DPEP2: variants seen among roughly 807,000 people sequenced by gnomAD.
DPEP2 encodes the protein dipeptidase 2.
Under a neutral mutation model 51.8 loss-of-function variants are expected in DPEP2, and 45 were observed. The observed-to-expected ratio is 0.87, with a 90% CI of 0.68 to 1.11. DPEP2 has a LOEUF of 1.11. DPEP2 is among the 50% of genes most tolerant of loss of function. The pLI is 0.00. For missense variants in DPEP2, 604 were observed against 631.9 expected, an observed-to-expected ratio of 0.96 and a Z score of 0.47; for synonymous variants, 255 against 262.7, an observed-to-expected ratio of 0.97 and a Z score of 0.28.
intron 1 of DPEP2, among the ~76,000 whole-genome samples, chr16:67,996,202 A>ATT (rs562548091): frequency 2.3e-5 from 3 of 130,806 alleles, no homozygotes; most frequent in Non-Finnish European, 1.7e-5. Context: ...ACACTCGGCT[A>ATT]TTTTTTTTTT....
chr16:67,993,674 A>G (rs2032471943), intron 1 of DPEP2: 4 of 987,236 alleles, frequency 4.1e-6, no homozygotes, highest in African/African-American at 1.7e-5. Context: ...CATGTCCCCA[A>G]CCGCCTGCAA....
Position 67,992,104 on chromosome 16 carries a change from A to C in DPEP2, c.480T>G (p.Cys160Trp). 6.2e-7 allele frequency: 1 copy of C among 1,614,174 alleles called. No individual in the cohort carries two copies. The highest frequency in any genetic ancestry group is 8.5e-7 in the Non-Finnish European group (1 of 1,180,028). Reference protein sequence around the residue: ...LEQIDLIRRMCASYSELELVT... With the variant: ...LEQIDLIRRMWASYSELELVT... Reference sequence around the variant, plus strand: ...CAAGCTCCAGCTCAGAATAGGAGGCACACATGCGGCGTATGAGGTCAATCT... The same window carrying C: ...CAAGCTCCAGCTCAGAATAGGAGGCCCACATGCGGCGTATGAGGTCAATCT... The change falls in exon 4 of 11, where the codon TGT becomes TGG. Residue 160 changes from cysteine to tryptophan, a missense_variant. Transcript: ENST00000393847.
rs2031611736 is a variant in DPEP2 at position 67,987,974 on chromosome 16, G to A, written c.1084C>T (p.Leu362=). 3 of 1,614,034 alleles carry A rather than the reference G, an allele frequency of 1.9e-6. No individual in the cohort carries two copies. The highest frequency in any genetic ancestry group is 2.7e-5 in the African/African-American group (2 of 74,914). The part of the protein sequence containing the change: ...YDGAGKFPQG[L]EDVSTYPVLI... ...ACCGGGTATGTGGACACGTCTTCCAGCCCCTGAGGGAATCTGTGTGGCCAC... is the reference window on the plus strand; with the variant it reads ...ACCGGGTATGTGGACACGTCTTCCAACCCCTGAGGGAATCTGTGTGGCCAC... Residue 362 remains leucine, a synonymous_variant, in exon 10 of 11, where the codon CTG becomes TTG. Transcript: ENST00000393847.
chr16:67,991,724 C>T lies in DPEP2; in HGVS notation c.662+114G>A, dbSNP rs1271337275. 1 of 1,441,132 alleles carries T rather than the reference C, an allele frequency of 6.9e-7. No individual in the cohort carries two copies. The highest frequency in any genetic ancestry group is 2.4e-5 in the East Asian group (1 of 42,202). The allele number at this position is 1,441,132 out of a possible 1,614,324, so 89.3% of individuals were successfully genotyped here. A position where few individuals can be genotyped will look rare whatever the true frequency, so the allele number is the denominator to read the frequency against. On this transcript the variant is annotated intron_variant, in intron 5 of 10. Coordinates refer to ENST00000393847, the MANE Select transcript of DPEP2 (RefSeq NM_022355.4). The surrounding 1 kb of genome is among the most constrained non-coding windows in gnomAD (Gnocchi z 5.1). ...AAACCAGAATCCCAGCTCCCCTCCC[C>T]ACTCCAGAGTCAGTGCCACATCCCA... is the stretch of plus-strand genomic sequence containing the variant.
intron 1 of DPEP2, among the ~76,000 whole-genome samples, chr16:67,995,202 T>C (rs1220746301): frequency 6.6e-6 from 1 of 151,914 alleles, no homozygotes; most frequent in African/African-American, 2.4e-5. Context: ...ACCTGGGCTT[T>C]TTTTTTATTT....
Position 67,999,378 on chromosome 16 carries a change from A to T in DPEP2, c.-49T>A. On this transcript the variant is annotated 5_prime_UTR_variant, in exon 1 of 11. Transcript: ENST00000393847. ...AAACAAACTCCAGACGCGCTACCTT[A>T]AGAGCTGTAACACTCACTGCGAGGG... is the stretch of plus-strand genomic sequence containing the variant. The T allele has an allele frequency of 1.8e-6, 1 of 547,808 alleles. No individual in the cohort carries two copies. Among genetic ancestry groups the T allele is most frequent in the Non-Finnish European group, 2.3e-6 (1 of 429,516 alleles). The allele number at this position is 547,808 out of a possible 1,614,324, so 33.9% of individuals were successfully genotyped here. A position where few individuals can be genotyped will look rare whatever the true frequency, so the allele number is the denominator to read the frequency against.
chr16:67,999,802 G>C (rs1036741609), upstream of DPEP2: 3 of 152,152 alleles, frequency 2.0e-5, no homozygotes, highest in African/African-American at 7.2e-5. Context: ...AGGTACTTAC[G>C]AGGCTGAGGT....
intron 1 of DPEP2, among the ~76,000 whole-genome samples, chr16:67,995,866 A>C (rs559298985): frequency 6.6e-6 from 1 of 152,068 alleles, no homozygotes; most frequent in South Asian, 2.1e-4. Context: ...TGGGAGGCTG[A>C]GTTGGGAGAA....
intron 1 of DPEP2, chr16:67,993,948 C>G: frequency 1.0e-6 from 1 of 985,574 alleles, no homozygotes; most frequent in Non-Finnish European, 1.2e-6. Flanking sequence ...CCCCCCGCCC[C>G]GACCGCACAT....
intron 1 of DPEP2, chr16:67,994,096 A>G (rs1014886323): frequency 4.1e-6 from 4 of 985,486 alleles, no homozygotes; most frequent in Non-Finnish European, 4.8e-6. Context: ...GAACCCACAC[A>G]GCCATCTGCA....
At position 67,993,099 on chromosome 16, in the gene DPEP2, G is replaced by C. The variant is rs745544370; in HGVS notation, c.114C>G (p.Gly38=). The C allele has an allele frequency of 2.6e-6, 4 of 1,567,068 alleles. No homozygotes were observed. Among genetic ancestry groups the C allele is most frequent in the Non-Finnish European group, 1.7e-6 (2 of 1,155,280 alleles). ...CCAGCGTGGTGAGGGCTCTGGGGGG[G>C]CCTGGCGTGGTGTAGGCACAGGTTA... ...QPVTCAYTTP[G]PPRALTTLGA... Residue 38 remains glycine (G), a synonymous_variant, in exon 2 of 11, where the codon GGC becomes GGG. Transcript: ENST00000393847.
At chr16:67,993,451 TC>T (rs1485445661) in intron 1 of DPEP2, 194 bp from the exon 2 acceptor site, 7 of 1,250,988 alleles carry the variant, frequency 5.6e-6, no homozygotes. Flanking sequence ...CCAAGGGCGC[TC>T]CCGCCGGCTG....
At chr16:67,997,236 T>C (rs1857933250) in intron 1 of DPEP2, among the ~76,000 whole-genome samples, 2 of 151,750 alleles carry the variant, frequency 1.3e-5, no homozygotes, top group African/African-American at 4.8e-5. Flanking sequence ...TTTTGCCATG[T>C]TGGCCAGGCT....
chr16:67,992,060 C>T lies in DPEP2; in HGVS notation c.520+4G>A, dbSNP rs991989397. ...TTCCTAACGCTTCCCATCAACTTGCCTACCTTTAGCCGAGGTCACAAGCTC... is the reference window on the plus strand; with the variant it reads ...TTCCTAACGCTTCCCATCAACTTGCTTACCTTTAGCCGAGGTCACAAGCTC... On this transcript the variant is annotated splice_donor_region_variant and intron_variant, in intron 4 of 10. Coordinates refer to ENST00000393847, the MANE Select transcript of DPEP2 (RefSeq NM_022355.4). 8.1e-6 allele frequency: 13 copies of T among 1,614,102 alleles called. No individual in the cohort carries two copies. Among genetic ancestry groups the T allele is most frequent in the African/African-American group, 1.3e-5 (1 of 75,032 alleles).
chr16:67,987,474 T>G lies in DPEP2; in HGVS notation c.*32A>C, dbSNP rs2151356100. 1 of 1,589,592 alleles carries G rather than the reference T, an allele frequency of 6.3e-7. No homozygotes were observed. The highest frequency in any genetic ancestry group is 1.3e-5 in the African/African-American group (1 of 74,612). ...ACTTTGTGGGGTGTCTGTGGCTTGCTACAGTGACATCTGGCAGGACTAACT... is the reference window on the plus strand; with the variant it reads ...ACTTTGTGGGGTGTCTGTGGCTTGCGACAGTGACATCTGGCAGGACTAACT... On this transcript the variant is annotated 3_prime_UTR_variant, in exon 11 of 11. Coordinates refer to ENST00000393847, the MANE Select transcript of DPEP2 (RefSeq NM_022355.4).
rs769539400 is a variant in DPEP2, at chr16:67,987,890, G to C, written c.1168C>G (p.Arg390Gly). The C allele has an allele frequency of 6.2e-7, 1 of 1,614,120 alleles. No homozygotes were observed. Among genetic ancestry groups the C allele is most frequent in the Admixed American group, 1.7e-5 (1 of 60,006 alleles). Residue 390 changes from arginine to glycine, a missense_variant, in exon 10 of 11, where the codon CGT becomes GGT. Coordinates refer to ENST00000393847, the MANE Select transcript of DPEP2 (RefSeq NM_022355.4). ...CTGAAGACCCGCAGCAGGTTTCCAC[G>C]AAGGACACCCTGAAGCTCTTCCTCA... ...WSEEELQGVL[R>G]GNLLRVFRQV...
At chr16:67,994,717 A>G in intron 1 of DPEP2, 2 of 981,088 alleles carry the variant, frequency 2.0e-6, no homozygotes, top group Non-Finnish European at 2.4e-6. Flanking sequence ...AAAGAAAATG[A>G]ACCAACTCTT....
intron 1 of DPEP2, among the ~76,000 whole-genome samples, chr16:67,998,555 C>T (rs2032841139): frequency 6.6e-6 from 1 of 152,222 alleles, no homozygotes; most frequent in African/African-American, 2.4e-5. Flanking sequence ...GCCCCCTGCT[C>T]CACAGCGCCC....
At chr16:67,998,863 C>T (rs1000362235) in intron 1 of DPEP2, among the ~76,000 whole-genome samples, 2 of 152,160 alleles carry the variant, frequency 1.3e-5, no homozygotes, top group African/African-American at 4.8e-5. Flanking sequence ...CTTGGAGAAC[C>T]TTTGTGTCGA....
Sources: allele counts gnomAD v4.1 joint callset (sites outside exome capture counted in the v4.1 genomes callset), GRCh38; gene constraint gnomAD v4.1.1; non-coding constraint Gnocchi (gnomAD v3.1); transcripts MANE v1.5; gene names NCBI Gene and HGNC (gene_info 2026-07-23, HGNC 2026-07-21).